The following ATXN1 variants were observed in gnomAD, a reference collection of about 807,000 sequenced individuals.
ATXN1 encodes the protein ataxin 1.
A neutral mutation model predicts 56.4 loss-of-function variants in ATXN1; 8 were observed. The observed-to-expected ratio is 0.14, with a 90% CI of 0.08 to 0.26. The LOEUF (loss-of-function observed/expected upper bound fraction) is 0.26. ATXN1 is among the 10% of genes least tolerant of loss of function. The probability of loss-of-function intolerance (pLI) is 1.00; values close to 1 mark genes in which losing one functional copy is unlikely to be tolerated. For synonymous variants in ATXN1, 514 were observed against 494.6 expected, an observed-to-expected ratio of 1.04 and a Z score of -0.52; for missense variants, 987 against 1,106.5, an observed-to-expected ratio of 0.89 and a Z score of 1.53.
chr6:16,396,550 G>A (rs901551765), intron 6 of ATXN1, among the ~76,000 whole-genome samples: 3 of 152,202 alleles, frequency 2.0e-5, no homozygotes, highest in Non-Finnish European at 2.9e-5. Flanking sequence ...AGTTTATAAA[G>A]TAAAAAAGTA....
chr6:16,562,458 G>GGAAACGAA (rs1561756150), intron 4 of ATXN1, among the ~76,000 whole-genome samples: 9,275 of 51,312 alleles, frequency 0.18, 783 homozygotes, highest in East Asian at 0.59. Flanking sequence ...AAGAAAAGGA[G>GGAAACGAA]AGGAGAGGAG....
intron 7 of ATXN1, among the ~76,000 whole-genome samples, chr6:16,308,867 C>T (rs1034562960): frequency 6.6e-6 from 1 of 151,998 alleles, no homozygotes; most frequent in Non-Finnish European, 1.5e-5. Flanking sequence ...AAAGACTATG[C>T]TTACAATAAT....
intron 6 of ATXN1, among the ~76,000 whole-genome samples, chr6:16,356,003 G>A (rs769215827): frequency 5.3e-5 from 8 of 152,222 alleles, no homozygotes; most frequent in Non-Finnish European, 8.8e-5. Context: ...GGTTGGGCTC[G>A]TTCCTTCCCC....
At chr6:16,372,720 C>A (rs908194427) in intron 6 of ATXN1, among the ~76,000 whole-genome samples, 1 of 152,028 alleles carries the variant, frequency 6.6e-6, no homozygotes, top group Admixed American at 6.6e-5. Context: ...TTGAGACCAG[C>A]CTGGGCAACC....
chr6:16,579,800 A>G (rs1460370410), intron 4 of ATXN1, among the ~76,000 whole-genome samples: 2 of 152,092 alleles, frequency 1.3e-5, no homozygotes, highest in East Asian at 1.9e-4. Context: ...CAATGTTCTC[A>G]GGTTTATATG....
intron 6 of ATXN1, among the ~76,000 whole-genome samples, chr6:16,353,894 T>TC (rs934639862): frequency 2.0e-5 from 3 of 152,202 alleles, no homozygotes; most frequent in African/African-American, 7.2e-5. Context: ...CTCTGTAGTT[T>TC]CCCAAGATTG....
At chr6:16,493,870 T>C (rs1473284121) in intron 5 of ATXN1, among the ~76,000 whole-genome samples, 1 of 152,242 alleles carries the variant, frequency 6.6e-6, no homozygotes, top group East Asian at 1.9e-4. Flanking sequence ...ACAGCCTCTT[T>C]TTCCAACTCA....
chr6:16,346,992 C>A (rs1317061603), intron 6 of ATXN1, among the ~76,000 whole-genome samples: 5 of 152,234 alleles, frequency 3.3e-5, no homozygotes, highest in East Asian at 3.9e-4. Context: ...GCGGACCCCG[C>A]CGGCCCTAGG....
intron 6 of ATXN1, among the ~76,000 whole-genome samples, chr6:16,370,753 AC>A (rs1322673061): frequency 6.6e-6 from 1 of 152,240 alleles, no homozygotes; most frequent in Non-Finnish European, 1.5e-5. Flanking sequence ...CTTTCACTTA[AC>A]ATTGTATTGT....
At chr6:16,473,301 G>A (rs560173696) in intron 6 of ATXN1, among the ~76,000 whole-genome samples, 1 of 152,236 alleles carries the variant, frequency 6.6e-6, no homozygotes, top group African/African-American at 2.4e-5. Flanking sequence ...ACAACAAACT[G>A]GTCCCCAAAC....
At chr6:16,463,301 T>C (rs971487062) in intron 6 of ATXN1, among the ~76,000 whole-genome samples, 1 of 152,208 alleles carries the variant, frequency 6.6e-6, no homozygotes, top group Non-Finnish European at 1.5e-5. Context: ...ACCTGTACCT[T>C]AGTCTTCCTA....
intron 3 of ATXN1, among the ~76,000 whole-genome samples, chr6:16,643,341 A>C (rs1763741835): frequency 6.6e-6 from 1 of 151,814 alleles, no homozygotes; most frequent in African/African-American, 2.4e-5. Flanking sequence ...ACAGAAATGT[A>C]AGCCTGGCCA....
rs975350291 is a variant in ATXN1, at chr6:16,328,332, G to A, written c.-22C>T. On this transcript the variant is annotated 5_prime_UTR_variant, in exon 7 of 8. Coordinates refer to ENST00000436367, the MANE Select transcript of ATXN1 (RefSeq NM_001128164.2). This position sits in a 1 kb window ranked among gnomAD's most constrained non-coding sequence, Gnocchi z 6.2. ...TCATTTTTCGCCGTCCCCCCTCCACGGTGACTGTTTCACTGTCTGGATGGC... is the reference window on the plus strand; with the variant it reads ...TCATTTTTCGCCGTCCCCCCTCCACAGTGACTGTTTCACTGTCTGGATGGC... 4.7e-6 allele frequency: 7 copies of A among 1,494,464 alleles called. No homozygotes were observed. The highest frequency in any genetic ancestry group is 6.2e-6 in the Non-Finnish European group (7 of 1,128,226). 92.6% of individuals were successfully genotyped at this position (1,494,464 alleles called of 1,614,324 possible).
At chr6:16,336,530 A>C (rs1030172260) in intron 6 of ATXN1, among the ~76,000 whole-genome samples, 2 of 152,122 alleles carry the variant, frequency 1.3e-5, no homozygotes, top group African/African-American at 4.8e-5. Context: ...CACCCACCCA[A>C]TTGTGATCCA....
chr6:16,644,467 A>G (rs1763765679), intron 3 of ATXN1, among the ~76,000 whole-genome samples: 1 of 150,118 alleles, frequency 6.7e-6, no homozygotes, highest in Admixed American at 6.7e-5. Flanking sequence ...GTGAGCTGAG[A>G]TCATGCCACT....
intron 6 of ATXN1, among the ~76,000 whole-genome samples, chr6:16,334,312 G>A (rs755552984): frequency 1.3e-5 from 2 of 152,172 alleles, no homozygotes; most frequent in African/African-American, 4.8e-5. Context: ...TACTAGCAGG[G>A]TTGAAGAGAT....
intron 6 of ATXN1, among the ~76,000 whole-genome samples, chr6:16,333,359 C>T (rs1236154452): frequency 6.6e-6 from 1 of 152,134 alleles, no homozygotes; most frequent in Non-Finnish European, 1.5e-5. Context: ...AAATTTTTTG[C>T]TATTACCATG....
At chr6:16,481,912 C>T (rs965586748) in intron 6 of ATXN1, among the ~76,000 whole-genome samples, 10 of 151,898 alleles carry the variant, frequency 6.6e-5, no homozygotes, top group African/African-American at 2.4e-4. Context: ...AAACAAGTGA[C>T]AAAGCAAACC....
chr6:16,456,842 A>C lies in ATXN1; in HGVS notation c.-161+29130T>G, dbSNP rs138151094. Among the ~76,000 whole-genome samples, 294 of 152,290 alleles carry C rather than the reference A, an allele frequency of 1.9e-3. 1 individual carries two copies. The highest frequency in any genetic ancestry group is 6.9e-3 in the African/African-American group (286 of 41,566). On this transcript the variant is annotated intron_variant, in intron 6 of 7. Coordinates refer to ENST00000436367, the MANE Select transcript of ATXN1 (RefSeq NM_001128164.2). ...AGGCACCCAGGCTCACCAATCAGAAAGACATAATTTTTGTCCAAAGCCCTG... is the reference window on the plus strand; with the variant it reads ...AGGCACCCAGGCTCACCAATCAGAACGACATAATTTTTGTCCAAAGCCCTG...
Sources: gnomAD v4.1 joint callset for allele counts (sites outside exome capture counted in the v4.1 genomes callset) on GRCh38, gnomAD v4.1.1 for gene constraint, Gnocchi (gnomAD v3.1) non-coding constraint, MANE v1.5 for transcripts, NCBI Gene and HGNC (gene_info 2026-07-23, HGNC 2026-07-21) for gene names.